Variants in TYW2 observed in about 807,000 individuals in gnomAD.
TYW2 encodes tRNA wybutosine-synthesizing protein 2 homolog.
the TYW2 span, chr8:124,450,897 G>A: frequency 3.8e-6 from 6 of 1,581,180 alleles, no homozygotes; most frequent in African/African-American, 2.7e-5. Flanking sequence ...CTGGTGAGCC[G>A]ACTCTGAGGA....
chr8:124,451,652 A>T, the TYW2 span: 1 of 1,614,198 alleles, frequency 6.2e-7, no homozygotes, highest in Non-Finnish European at 8.5e-7. Context: ...GTGGATCTCT[A>T]TGCAGGGATT....
chr8:124,451,722 GTGGAATCCCCA>G, the TYW2 span: 1 of 1,614,172 alleles, frequency 6.2e-7, no homozygotes, highest in Non-Finnish European at 8.5e-7. Context: ...ATGCTTGTGA[GTGGAATCCCCA>G]TGCTGTAGTT....
the TYW2 span, chr8:124,451,371 C>T: frequency 6.2e-7 from 1 of 1,614,146 alleles, no homozygotes; most frequent in Non-Finnish European, 8.5e-7. Context: ...AAGACTGTTT[C>T]CAAGCCAAGC....
At chr8:124,451,766 TC>T in the TYW2 span, 2 of 1,614,112 alleles carry the variant, frequency 1.2e-6, no homozygotes, top group African/African-American at 1.3e-5. Context: ...AACCTTGAGA[TC>T]AATGGAGTAG....
At chr8:124,451,454 G>T in the TYW2 span, 1 of 1,614,200 alleles carries the variant, frequency 6.2e-7, no homozygotes, top group Non-Finnish European at 8.5e-7. Flanking sequence ...TTGGCAAAAC[G>T]AGGGCGGGTA....
chr8:124,451,222 CAGG>C, the TYW2 span: 1 of 1,614,092 alleles, frequency 6.2e-7, no homozygotes. Flanking sequence ...GAAGAGGGCC[CAGG>C]GTTGTTCACC....
chr8:124,452,245 G>A, the TYW2 span: 84 of 1,613,886 alleles, frequency 5.2e-5, 1 homozygote, highest in South Asian at 7.6e-4. Flanking sequence ...CCTGGATCTG[G>A]AATGCTGCCC....
chr8:124,450,970 G>T, the TYW2 span: 1 of 1,614,134 alleles, frequency 6.2e-7, no homozygotes, highest in South Asian at 1.1e-5. Flanking sequence ...GAGAGAAAGT[G>T]GGAAGCCCGT....
At chr8:124,452,954 C>T in the TYW2 span, 5 of 167,128 alleles carry the variant, frequency 3.0e-5, no homozygotes, top group East Asian at 9.6e-4. Context: ...TAGTGTATTT[C>T]CATTCCCTTA....
chr8:124,451,707 C>T, the TYW2 span: 2 of 1,614,174 alleles, frequency 1.2e-6, no homozygotes, highest in Non-Finnish European at 1.7e-6. Flanking sequence ...GTGCTGCCTT[C>T]GTCCATGCTT....
chr8:124,450,908 G>C, the TYW2 span: 44 of 1,600,630 alleles, frequency 2.7e-5, no homozygotes, highest in African/African-American at 5.5e-4. Flanking sequence ...ACTCTGAGGA[G>C]ATGGAGTATC....
At chr8:124,451,167 A>T in the TYW2 span, 43 of 1,614,036 alleles carry the variant, frequency 2.7e-5, no homozygotes, top group African/African-American at 5.5e-4. Context: ...GTGTTGCCCC[A>T]GGCAGTCCCT....
At chr8:124,450,862 A>G in the TYW2 span, 3 of 1,544,840 alleles carry the variant, frequency 1.9e-6, no homozygotes, top group South Asian at 2.5e-5. Context: ...AGGCTACCTT[A>G]TTTAAGACCG....
At chr8:124,451,546 C>T in the TYW2 span, 3 of 1,614,126 alleles carry the variant, frequency 1.9e-6, no homozygotes, top group East Asian at 2.2e-5. Context: ...TAATGGTATC[C>T]GTTATAAGTT....
the TYW2 span, chr8:124,452,311 G>T: frequency 1.3e-6 from 2 of 1,594,824 alleles, no homozygotes; most frequent in Non-Finnish European, 1.7e-6. Context: ...ATCCACGTGC[G>T]AGTGGCCCTT....
chr8:124,451,334 G>T, the TYW2 span: 1 of 1,614,034 alleles, frequency 6.2e-7, no homozygotes, highest in African/African-American at 1.3e-5. Context: ...TCATGGCAAC[G>T]GCATGGTAAT....
the TYW2 span, chr8:124,452,012 ATCC>A: frequency 6.2e-7 from 1 of 1,614,206 alleles, no homozygotes; most frequent in Non-Finnish European, 8.5e-7. Flanking sequence ...CATTGGCTGT[ATCC>A]TCAGCAAATT....
At chr8:124,451,935 C>T in the TYW2 span, 1 of 1,614,048 alleles carries the variant, frequency 6.2e-7, no homozygotes, top group Non-Finnish European at 8.5e-7. Context: ...TGCATATCCA[C>T]CAAAATGTGG....
chr8:124,452,639 C>T, the TYW2 span: 1 of 209,860 alleles, frequency 4.8e-6, no homozygotes, highest in Non-Finnish European at 1.1e-5. Flanking sequence ...AGCAACTATA[C>T]ACAGGACATC....
Sources: allele counts gnomAD v4.1 joint callset, GRCh38; gene constraint gnomAD v4.1.1; transcripts MANE v1.5; gene names NCBI Gene and HGNC (gene_info 2026-07-23, HGNC 2026-07-21).